The following RFX7 variants were observed in gnomAD, a reference collection of about 807,000 sequenced individuals.
The protein encoded by RFX7 is DNA-binding protein RFX7.
RFX7 carries 26 observed loss-of-function variants against 111.8 expected under a neutral mutation model. The ratio of observed to expected loss-of-function variants is 0.23; its 90% CI spans 0.17 to 0.32. The LOEUF (loss-of-function observed/expected upper bound fraction) is 0.32, where lower values mean the gene tolerates loss of function less well. Ranked by LOEUF, RFX7 falls within the 10% of genes least tolerant of loss-of-function variation. RFX7 has a pLI of 1.00. For synonymous variants in RFX7, 624 were observed against 624.4 expected (o/e 1.00, Z 0.01); for missense variants, 1,573 against 1,772.9 (o/e 0.89, Z 2.02).
intron 2 of RFX7, among the ~76,000 whole-genome samples, chr15:56,228,850 T>C (rs1183604357): frequency 6.6e-6 from 1 of 152,184 alleles, no homozygotes; most frequent in Non-Finnish European, 1.5e-5. Flanking sequence ...ATATACTATG[T>C]TTTTTCCTGT....
chr15:56,232,243 A>G lies in RFX7; in HGVS notation c.161+10882T>C, dbSNP rs568877480. 7.3e-4 allele frequency among the ~76,000 whole-genome samples: 111 copies of G among 152,278 alleles called. 1 individual carries two copies. Among genetic ancestry groups the G allele is most frequent in the South Asian group, 2.1e-3 (10 of 4,820 alleles). On this transcript the variant is annotated intron_variant, in intron 2 of 9. Transcript: ENST00000559447. ...TTTCCATTCCACACTGCCCTAGCAG[A>G]GGTTTCATGAGGGCTCCACCTCTGC...
At chr15:56,169,258 CT>C (rs1418173643) in intron 3 of RFX7, among the ~76,000 whole-genome samples, 2 of 152,190 alleles carry the variant, frequency 1.3e-5, no homozygotes, top group Non-Finnish European at 2.9e-5. Context: ...TGATTCCAAA[CT>C]TTCTCCATCT....
chr15:56,243,040 G>GCCCCCC, intron 2 of RFX7, 85 bp downstream of exon 2: 1 of 570,718 alleles, frequency 1.8e-6, no homozygotes, highest in East Asian at 6.8e-5. Context: ...CTCCTCCTCC[G>GCCCCCC]CTCCCCCCGC....
intron 5 of RFX7, among the ~76,000 whole-genome samples, chr15:56,115,724 A>G (rs1167159911): frequency 6.6e-6 from 1 of 152,010 alleles, no homozygotes; most frequent in Non-Finnish European, 1.5e-5. Flanking sequence ...AGATCATGAG[A>G]TCAGGAGATT....
chr15:56,137,537 C>T (rs888416889), intron 5 of RFX7, among the ~76,000 whole-genome samples: 1 of 152,110 alleles, frequency 6.6e-6, no homozygotes, highest in Non-Finnish European at 1.5e-5. Flanking sequence ...AGCGGTCTAT[C>T]AATCCTGTTG....
intron 5 of RFX7, among the ~76,000 whole-genome samples, chr15:56,136,048 G>A (rs1429071503): frequency 2.6e-5 from 4 of 152,090 alleles, no homozygotes; most frequent in African/African-American, 9.7e-5. Context: ...GTCAGGTAGT[G>A]TGATGCCTCC....
chr15:56,199,944 C>T (rs1331598905), intron 2 of RFX7, among the ~76,000 whole-genome samples: 3 of 152,162 alleles, frequency 2.0e-5, no homozygotes, highest in Admixed American at 1.3e-4. Context: ...CAAGGTCACA[C>T]ACTGATTTTT....
At chr15:56,112,710 C>G (rs2041956376) in intron 5 of RFX7, among the ~76,000 whole-genome samples, 1 of 152,136 alleles carries the variant, frequency 6.6e-6, no homozygotes, top group Non-Finnish European at 1.5e-5. Context: ...TCAGAGCGAA[C>G]AGACAACCAA....
chr15:56,111,035 C>A (rs1420426558), intron 5 of RFX7, among the ~76,000 whole-genome samples: 1 of 90,458 alleles, frequency 1.1e-5, no homozygotes, highest in Non-Finnish European at 2.4e-5. Flanking sequence ...GGGGGGTCAG[C>A]CCCCCACCCG....
chr15:56,226,896 A>G (rs2043491739), intron 2 of RFX7, among the ~76,000 whole-genome samples: 1 of 152,154 alleles, frequency 6.6e-6, no homozygotes, highest in Admixed American at 6.5e-5. Context: ...TGGGAGTGGG[A>G]GTGGCCAACC....
chr15:56,110,087 A>C (rs2140933285), intron 5 of RFX7, among the ~76,000 whole-genome samples: 1 of 121,556 alleles, frequency 8.2e-6, no homozygotes, highest in East Asian at 2.8e-4. Context: ...TCTGGGAGGG[A>C]GGTGGGGGGG....
At chr15:56,210,768 T>C (rs1034545998) in intron 2 of RFX7, among the ~76,000 whole-genome samples, 1 of 151,954 alleles carries the variant, frequency 6.6e-6, no homozygotes, top group Non-Finnish European at 1.5e-5. Flanking sequence ...AAACGCAACA[T>C]GTCAAAATTT....
intron 5 of RFX7, among the ~76,000 whole-genome samples, chr15:56,112,454 G>A (rs979042821): frequency 1.6e-4 from 23 of 147,638 alleles, no homozygotes; most frequent in Non-Finnish European, 1.5e-4. Context: ...CTAGCCATAT[G>A]CAGAAAACTG....
chr15:56,215,985 C>T (rs997839332), intron 2 of RFX7, among the ~76,000 whole-genome samples: 13 of 152,266 alleles, frequency 8.5e-5, no homozygotes, highest in African/African-American at 3.1e-4. Flanking sequence ...TGGCTGCCTT[C>T]TGCCAGAACA....
rs1325672260 is a variant in RFX7 at position 56,131,529 on chromosome 15, G to T, written c.401+11249C>A. Reference sequence around the variant, plus strand: ...TAGACTTGGCCTCCCAAAGTGTTGGGATTACAGGCATGAGACACTGTGCCC... The same window carrying T: ...TAGACTTGGCCTCCCAAAGTGTTGGTATTACAGGCATGAGACACTGTGCCC... On this transcript the variant is annotated intron_variant, in intron 5 of 9. Coordinates refer to ENST00000559447, the MANE Select transcript of RFX7 (RefSeq NM_022841.7). 2.0e-5 allele frequency among the ~76,000 whole-genome samples: 3 copies of T among 148,138 alleles called. No homozygotes were observed. In the East Asian group the frequency reaches 7.3e-4, roughly 36 times the overall value.
At chr15:56,141,979 C>G (rs1458200108) in intron 5 of RFX7, among the ~76,000 whole-genome samples, 1 of 152,010 alleles carries the variant, frequency 6.6e-6, no homozygotes, top group Non-Finnish European at 1.5e-5. Flanking sequence ...TCAATAAGTA[C>G]AATTTCCTTC....
chr15:56,128,373 G>T (rs2042171798), intron 5 of RFX7, among the ~76,000 whole-genome samples: 1 of 152,076 alleles, frequency 6.6e-6, no homozygotes, highest in South Asian at 2.1e-4. Context: ...ATACATAATG[G>T]ATTAGATATC....
Position 56,243,736 on chromosome 15 carries a change from C to T in RFX7, c.-294G>A, listed in dbSNP as rs1269956310. On this transcript the variant is annotated 5_prime_UTR_variant, in exon 1 of 10. Transcript: ENST00000559447. ...CCTTGTCCCCGGGGCTTTCTACTGC[C>T]GGGTCCCCGTGCTGCTGCAGCCCCA... Among the ~76,000 whole-genome samples, 2 of 151,182 alleles carry T rather than the reference C, an allele frequency of 1.3e-5. No homozygotes were observed. The highest frequency in any genetic ancestry group is 3.0e-5 in the Non-Finnish European group (2 of 67,710).
intron 3 of RFX7, among the ~76,000 whole-genome samples, chr15:56,171,721 G>A (rs2042846837): frequency 1.3e-5 from 2 of 152,128 alleles, no homozygotes; most frequent in Non-Finnish European, 1.5e-5. Flanking sequence ...ATTTGTTATA[G>A]CAGCAATAGG....
Sources: gnomAD v4.1 joint callset for allele counts (sites outside exome capture counted in the v4.1 genomes callset) on GRCh38, gnomAD v4.1.1 for gene constraint, MANE v1.5 for transcripts, NCBI Gene and HGNC (gene_info 2026-07-23, HGNC 2026-07-21) for gene names.